Variants in LSR observed in about 807,000 individuals in gnomAD.
The protein encoded by LSR is lipolysis stimulated lipoprotein receptor.
LSR carries 44 observed loss-of-function variants against 61.8 expected under a neutral mutation model. The ratio of observed to expected loss-of-function variants is 0.71; its 90% CI spans 0.56 to 0.91. The LOEUF (loss-of-function observed/expected upper bound fraction) is 0.91, where lower values mean the gene tolerates loss of function less well. LSR is among the 40% of genes least tolerant of loss of function. The pLI is 0.00. For synonymous variants in LSR, 397 were observed against 350.6 expected, an observed-to-expected ratio of 1.13 and a Z score of -1.48; for missense variants, 911 against 830.5, an observed-to-expected ratio of 1.10 and a Z score of -1.19.
Position 35,262,699 on chromosome 19 carries a change from G to C in LSR, c.778+7G>C, listed in dbSNP as rs2065946686. On this transcript the variant is annotated splice_region_variant and intron_variant, in intron 5 of 9. Transcript: ENST00000605618. The stretch of plus-strand genomic sequence containing the variant: ...TGCTGCTGCCCCGAGGCCCGTAAGT[G>C]TCCCGCTCATGGCCACCCTGGTTTG... 6 of 1,612,384 alleles carry C rather than the reference G, an allele frequency of 3.7e-6. No individual in the cohort carries two copies. In the African/African-American group the frequency reaches 8.0e-5, roughly 22 times the overall value.
chr19:35,258,618 A>G (rs186366719), intron 2 of LSR, among the ~76,000 whole-genome samples: 49 of 152,102 alleles, frequency 3.2e-4, no homozygotes, highest in African/African-American at 1.1e-3. Flanking sequence ...AGAAAGAAAA[A>G]AAAAAACAAC....
chr19:35,252,938 T>C (rs976975385), intron 2 of LSR, among the ~76,000 whole-genome samples: 1 of 152,082 alleles, frequency 6.6e-6, no homozygotes, highest in Non-Finnish European at 1.5e-5. Context: ...GGAGGATTGC[T>C]TGGGCTTGAG....
rs748492019 is a variant in LSR, at chr19:35,250,473, G to A, written c.268G>A (p.Asp90Asn). 2.5e-6 allele frequency: 4 copies of A among 1,614,060 alleles called. No homozygotes were observed. The highest frequency in any genetic ancestry group is 1.7e-5 in the Admixed American group (1 of 60,006). ...YKSFCRDRIA[D>N]AFSPASVDNQ... Reference sequence around the variant, plus strand: ...GTCTTTCTGCCGGGACCGCATCGCCGATGCCTTCTCCCCGGCCAGCGTCGA... The same window carrying A: ...GTCTTTCTGCCGGGACCGCATCGCCAATGCCTTCTCCCCGGCCAGCGTCGA... Residue 90 changes from aspartate to asparagine, a missense_variant, in exon 2 of 10, where the codon GAT (aspartate) becomes AAT (asparagine). Transcript: ENST00000605618.
intron 3 of LSR, among the ~76,000 whole-genome samples, chr19:35,260,600 G>C (rs536902508): frequency 2.4e-4 from 36 of 152,192 alleles, no homozygotes; most frequent in African/African-American, 7.0e-4. Context: ...CTTAAAATGG[G>C]GAGATTTTTC....
At position 35,266,234 on chromosome 19, in the gene LSR, A is replaced by G. The variant is rs371328862; in HGVS notation, c.779-125A>G. ...CAACAGGGACTCAGATGTCCAAGGAAGCTCTACAGCGGAGAGGACGGCTTG... is the reference window on the plus strand; with the variant it reads ...CAACAGGGACTCAGATGTCCAAGGAGGCTCTACAGCGGAGAGGACGGCTTG... On this transcript the variant is annotated intron_variant, in intron 5 of 9. Coordinates refer to ENST00000605618, the MANE Select transcript of LSR (RefSeq NM_205834.4). 2.2e-4 allele frequency: 151 copies of G among 685,042 alleles called. No homozygotes were observed. In the East Asian group the frequency reaches 2.8e-3, roughly 13 times the overall value. 42.4% of individuals were successfully genotyped at this position (685,042 alleles called of 1,614,324 possible).
rs1268598026 is a variant in LSR at position 35,266,691 on chromosome 19, G to A, written c.965G>A (p.Gly322Asp). Reference sequence around the variant, plus strand: ...CACTCTCCCCCAGCTGGTGGCCAAGGCTCCTATGTACCCCTGCTTCGGGAC... The same window carrying A: ...CACTCTCCCCCAGCTGGTGGCCAAGACTCCTATGTACCCCTGCTTCGGGAC... The part of the protein sequence containing the change: ...VDRSSSAGGQ[G>D]SYVPLLRDTD... The change falls in exon 7 of 10, where the codon GGC becomes GAC. Residue 322 changes from glycine (G) to aspartate (D), a missense_variant. Gly to Asp is a moderately conservative substitution (Grantham distance 94). Transcript: ENST00000605618. 1.2e-6 allele frequency: 2 copies of A among 1,609,042 alleles called. No individual in the cohort carries two copies. Among genetic ancestry groups the A allele is most frequent in the Admixed American group, 1.7e-5 (1 of 59,144 alleles).
chr19:35,265,206 A>G (rs928963733), intron 5 of LSR, among the ~76,000 whole-genome samples: 1 of 152,086 alleles, frequency 6.6e-6, no homozygotes, highest in Non-Finnish European at 1.5e-5. Flanking sequence ...TGTTAGGTCC[A>G]TTTCACAGAT....
intron 5 of LSR, chr19:35,264,223 A>C (rs1599605253): frequency 6.6e-6 from 1 of 152,088 alleles, no homozygotes; most frequent in Non-Finnish European, 1.5e-5. Flanking sequence ...GCTACTGTGG[A>C]GAGCTGGGAC....
At position 35,259,030 on chromosome 19, in the gene LSR, G is replaced by C; in HGVS notation, c.540G>C (p.Gly180=). The C allele has an allele frequency of 3.7e-6, 6 of 1,614,066 alleles. No homozygotes were observed. Among genetic ancestry groups the C allele is most frequent in the Non-Finnish European group, 5.1e-6 (6 of 1,179,974 alleles). Residue 180 remains glycine (G), a synonymous_variant, in exon 3 of 10, where the codon GGG becomes GGC. Transcript: ENST00000605618. ...TGGTCTCAGCCCAGGACCTCCAGGG[G>C]AACAATGAGGCCTACGCAGAGCTCA... The part of the protein sequence containing the change: ...CSVVSAQDLQ[G]NNEAYAELIV...
Position 35,266,925 on chromosome 19 carries a change from G to C in LSR, c.1102G>C (p.Asp368His), listed in dbSNP as rs372794690. 3.1e-6 allele frequency: 5 copies of C among 1,613,782 alleles called. No individual in the cohort carries two copies. Among genetic ancestry groups the C allele is most frequent in the Non-Finnish European group, 3.4e-6 (4 of 1,179,868 alleles). The change falls in exon 8 of 10, where the codon GAC (aspartate) becomes CAC (histidine). Residue 368 changes from aspartate to histidine, a missense_variant. By Grantham distance (81) the Asp-to-His change is moderately conservative (BLOSUM62 -1). Transcript: ENST00000605618. ...CATGGAGAAGGAGCTGGCCAACTTC[G>C]ACCCTTCTCGACCTGGCCCCCCCAG... ...YYMEKELANFDPSRPGPPSGR... is the reference protein window; with the variant it reads ...YYMEKELANFHPSRPGPPSGR...
Position 35,267,402 on chromosome 19 carries a change from A to G in LSR, c.1438A>G (p.Ser480Gly). The G allele has an allele frequency of 6.2e-7, 1 of 1,608,010 alleles. No homozygotes were observed. The highest frequency in any genetic ancestry group is 8.5e-7 in the Non-Finnish European group (1 of 1,177,946). The change falls in exon 9 of 10, where the codon AGC becomes GGC. Residue 480 changes from serine (S) to glycine (G), a missense_variant. Coordinates refer to ENST00000605618, the MANE Select transcript of LSR (RefSeq NM_205834.4). ...GRSRAYMPPR[S>G]RSRDDLYDQD... ...AAGCCGGGCCTACATGCCCCCGCGGAGCCGCAGCCGGGACGACCTCTATGA... is the reference window on the plus strand; with the variant it reads ...AAGCCGGGCCTACATGCCCCCGCGGGGCCGCAGCCGGGACGACCTCTATGA...
intron 3 of LSR, among the ~76,000 whole-genome samples, chr19:35,260,385 G>C (rs2065912027): frequency 6.9e-6 from 1 of 144,164 alleles, no homozygotes; most frequent in African/African-American, 2.6e-5. Context: ...TTCACCTCCT[G>C]GGTTCACGCC....
chr19:35,250,193 T>C (rs909380502), intron 1 of LSR, 122 bp from the exon 2 acceptor site: 12 of 596,660 alleles, frequency 2.0e-5, no homozygotes, highest in Non-Finnish European at 3.4e-5. Context: ...TAAGGAACAA[T>C]GTGTGCCAGG....
In LSR at chr19:35,267,478, ACT is replaced by A; in HGVS notation, c.1515_1516del (p.Phe506GlnfsTer33). ...CGCTCCCGGGACCCCCACTACGACGACTTCAGGTCTCGGGAGCGCCCTCCTGC... is the reference window on the plus strand; with the variant it reads ...CGCTCCCGGGACCCCCACTACGACGATCAGGTCTCGGGAGCGCCCTCCTGC... On this transcript the variant is annotated frameshift_variant, in exon 9 of 10. Coordinates refer to ENST00000605618, the MANE Select transcript of LSR (RefSeq NM_205834.4). LOFTEE classifies it high-confidence loss of function. 1 of 1,610,776 alleles carries A rather than the reference ACT, an allele frequency of 6.2e-7. No individual in the cohort carries two copies. Among genetic ancestry groups the A allele is most frequent in the Non-Finnish European group, 8.5e-7 (1 of 1,179,484 alleles).
At chr19:35,255,959 G>A (rs1339810889) in intron 2 of LSR, among the ~76,000 whole-genome samples, 1 of 152,130 alleles carries the variant, frequency 6.6e-6, no homozygotes, top group African/African-American at 2.4e-5. Flanking sequence ...CAGGCCTAGC[G>A]AGGTGGCTCA....
chr19:35,254,651 A>T (rs576781840), intron 2 of LSR, among the ~76,000 whole-genome samples: 1 of 152,298 alleles, frequency 6.6e-6, no homozygotes, highest in African/African-American at 2.4e-5. Context: ...TGTATAAAGA[A>T]GGAACCAGAG....
At chr19:35,260,880 G>A (rs544397790) in intron 3 of LSR, among the ~76,000 whole-genome samples, 1 of 152,230 alleles carries the variant, frequency 6.6e-6, no homozygotes, top group Admixed American at 6.5e-5. Context: ...AGGCATCAGG[G>A]CGATGATGGC....
At chr19:35,262,517 C>T (rs773816565) in intron 4 of LSR, 29 bp from the exon 5 acceptor site, 36 of 1,613,578 alleles carry the variant, frequency 2.2e-5, no homozygotes, top group East Asian at 8.9e-5. Context: ...CCCAGGCCTC[C>T]GGGCTCAGGG....
chr19:35,257,825 A>G (rs2065874600), intron 2 of LSR, among the ~76,000 whole-genome samples: 1 of 152,222 alleles, frequency 6.6e-6, no homozygotes, highest in Non-Finnish European at 1.5e-5. Flanking sequence ...GGATGTGCCA[A>G]AACACTTTGA....
Sources: allele counts gnomAD v4.1 joint callset (sites outside exome capture counted in the v4.1 genomes callset), GRCh38; gene constraint gnomAD v4.1.1; transcripts MANE v1.5; gene names NCBI Gene and HGNC (gene_info 2026-07-23, HGNC 2026-07-21).